Variants in PLXNC1 observed in about 807,000 individuals in gnomAD.
PLXNC1 encodes plexin C1.
Under a neutral mutation model 178.2 loss-of-function variants are expected in PLXNC1, and 75 were observed. The ratio of observed to expected loss-of-function variants is 0.42; its 90% CI spans 0.35 to 0.51. PLXNC1 has a LOEUF of 0.51. Ranked by LOEUF, PLXNC1 falls within the 20% of genes least tolerant of loss-of-function variation. PLXNC1 has a pLI of 0.02. For missense variants in PLXNC1, 1,503 were observed against 1,984.4 expected, an observed-to-expected ratio of 0.76 and a Z score of 4.61; for synonymous variants, 790 against 779.9, an observed-to-expected ratio of 1.01 and a Z score of -0.22.
chr12:94,208,077 C>T (rs1471957313), intron 4 of PLXNC1, among the ~76,000 whole-genome samples: 6 of 152,194 alleles, frequency 3.9e-5, no homozygotes, highest in East Asian at 1.9e-4. Context: ...CTTGTCTCTC[C>T]GTTGCAAACT....
At chr12:94,291,727 C>T (rs370269313) in intron 23 of PLXNC1, among the ~76,000 whole-genome samples, 1 of 152,164 alleles carries the variant, frequency 6.6e-6, no homozygotes, top group East Asian at 1.9e-4. Flanking sequence ...TAGTAATCTA[C>T]GATCTGTCTA....
At chr12:94,226,360 T>G (rs1963938794) in intron 7 of PLXNC1, 1 of 421,278 alleles carries the variant, frequency 2.4e-6, no homozygotes, top group Admixed American at 3.8e-5. Context: ...GTTCCTATTA[T>G]CTACAGACCA....
intron 23 of PLXNC1, among the ~76,000 whole-genome samples, chr12:94,285,659 C>A (rs915297966): frequency 2.6e-5 from 4 of 152,092 alleles, no homozygotes; most frequent in Admixed American, 2.6e-4. Context: ...AAAACACGGC[C>A]CCAGAGGGAA....
At chr12:94,172,559 CT>C (rs1341337816) in intron 2 of PLXNC1, among the ~76,000 whole-genome samples, 3 of 152,126 alleles carry the variant, frequency 2.0e-5, no homozygotes, top group Non-Finnish European at 2.9e-5. Context: ...AAAATTACCC[CT>C]AATCATGTCA....
chr12:94,243,792 T>G, intron 11 of PLXNC1, 146 bp from the exon 12 acceptor site: 1 of 436,884 alleles, frequency 2.3e-6, no homozygotes. Flanking sequence ...AAAATTGTCC[T>G]GTATTTGAAA....
chr12:94,168,065 C>T (rs966501791), intron 1 of PLXNC1: 1 of 152,126 alleles, frequency 6.6e-6, no homozygotes, highest in African/African-American at 2.4e-5. Context: ...ACACTGTTGG[C>T]GATAATATAA....
At chr12:94,298,855 A>C in intron 27 of PLXNC1, 60 bp downstream of exon 27, 1 of 1,266,410 alleles carries the variant, frequency 7.9e-7, no homozygotes, top group Non-Finnish European at 1.1e-6. Context: ...ATTAACTAAA[A>C]GAAAGACATA....
rs10529488 is a variant in PLXNC1 at position 94,201,748 on chromosome 12, CTTTTTTTTTTTTTTTTT to C, written c.1440-7820_1440-7804del. 3.4e-3 allele frequency among the ~76,000 whole-genome samples: 187 copies of C among 54,500 alleles called. 5 individuals carry two copies. Among genetic ancestry groups the C allele is most frequent in the African/African-American group, 0.012 (170 of 13,738 alleles). 35.8% of individuals were successfully genotyped at this position (54,500 alleles called of 152,430 possible). ...TCTGCCTGGACTGCTCTTCCCACTA[CTTTTTTTTTTTTTTTTT>C]TTTTTTTTTTTTTTTTTTTTTGAGA... On this transcript the variant is annotated intron_variant, in intron 4 of 30. Coordinates refer to ENST00000258526, the MANE Select transcript of PLXNC1 (RefSeq NM_005761.3).
intron 10 of PLXNC1, among the ~76,000 whole-genome samples, chr12:94,238,534 CAG>C (rs950431082): frequency 6.6e-6 from 1 of 151,074 alleles, no homozygotes; most frequent in Non-Finnish European, 1.5e-5. Flanking sequence ...AATAACACAA[CAG>C]ATTATTTGAG....
chr12:94,156,726 T>A (rs1157409335), intron 1 of PLXNC1, among the ~76,000 whole-genome samples: 4 of 149,728 alleles, frequency 2.7e-5, no homozygotes, highest in African/African-American at 7.4e-5. Flanking sequence ...TTTTTTTTTT[T>A]AAACAGAGTC....
intron 2 of PLXNC1, among the ~76,000 whole-genome samples, chr12:94,180,654 T>A (rs996197553): frequency 6.6e-6 from 1 of 152,224 alleles, no homozygotes; most frequent in African/African-American, 2.4e-5. Context: ...TGAGTCACAC[T>A]TGCGTATATT....
chr12:94,258,960 A>G (rs1423570533), intron 17 of PLXNC1, among the ~76,000 whole-genome samples: 1 of 152,222 alleles, frequency 6.6e-6, no homozygotes, highest in Non-Finnish European at 1.5e-5. Context: ...TTAACAACGT[A>G]ATTTAGTCTT....
chr12:94,220,917 G>C (rs1357331855), intron 6 of PLXNC1, among the ~76,000 whole-genome samples: 10 of 152,182 alleles, frequency 6.6e-5, no homozygotes, highest in Admixed American at 5.9e-4. Flanking sequence ...AGAACCAGAA[G>C]AGCTTCTACA....
chr12:94,267,488 G>T (rs1965309540), intron 21 of PLXNC1, among the ~76,000 whole-genome samples: 1 of 152,048 alleles, frequency 6.6e-6, no homozygotes, highest in South Asian at 2.1e-4. Context: ...TAGCCCCTGG[G>T]GAAAAGGGTA....
intron 7 of PLXNC1, among the ~76,000 whole-genome samples, chr12:94,225,538 G>GA (rs981308375): frequency 2.6e-5 from 4 of 152,000 alleles, no homozygotes; most frequent in Admixed American, 2.0e-4. Flanking sequence ...ATGAAAATAG[G>GA]AAAAAAGGGT....
chr12:94,186,797 G>GC (rs904679355), intron 4 of PLXNC1: 44 of 250,486 alleles, frequency 1.8e-4, no homozygotes, highest in African/African-American at 7.2e-4. Flanking sequence ...AGGCAAAAGG[G>GC]CCCCCCCTCC....
chr12:94,240,710 A>G (rs746340370), intron 11 of PLXNC1, 46 bp downstream of exon 11: 6 of 1,370,100 alleles, frequency 4.4e-6, no homozygotes, highest in Non-Finnish European at 6.1e-6. Context: ...GTTAAAGGTC[A>G]TATGCCCAAA....
At chr12:94,152,637 A>G (rs3847800) in intron 1 of PLXNC1, among the ~76,000 whole-genome samples, 130,826 of 152,296 alleles carry the variant, frequency 0.86, 56,276 homozygotes, top group East Asian at 0.97. Flanking sequence ...TTCCAACAGC[A>G]ATTCCTTTAG....
intron 4 of PLXNC1, among the ~76,000 whole-genome samples, chr12:94,205,358 A>G (rs1443758034): frequency 6.6e-6 from 1 of 152,232 alleles, no homozygotes; most frequent in African/African-American, 2.4e-5. Context: ...AGAAACACAA[A>G]TAAGTAAAGA....
Sources: gnomAD v4.1 joint callset for allele counts (sites outside exome capture counted in the v4.1 genomes callset) on GRCh38, gnomAD v4.1.1 for gene constraint, MANE v1.5 for transcripts, NCBI Gene and HGNC (gene_info 2026-07-23, HGNC 2026-07-21) for gene names.